Variants in GRAMD1B observed in about 807,000 individuals in gnomAD.
The protein encoded by GRAMD1B is protein Aster-B.
GRAMD1B carries 37 observed loss-of-function variants against 99.7 expected under a neutral mutation model. That is an observed-to-expected ratio of 0.37 (90% CI 0.29 to 0.49). GRAMD1B has a LOEUF of 0.49. Ranked by LOEUF, GRAMD1B falls within the 20% of genes least tolerant of loss-of-function variation. GRAMD1B has a pLI of 0.98. For missense variants in GRAMD1B, 888 were observed against 1,009.2 expected (o/e 0.88, Z 1.63); for synonymous variants, 427 against 387.6 (o/e 1.10, Z -1.19).
Position 123,577,519 on chromosome 11 carries a change from A to C in GRAMD1B, c.605A>C (p.Gln202Pro). The change falls in exon 3 of 20, where the codon CAG becomes CCG. Residue 202 changes from glutamine (Q) to proline (P), a missense_variant. This residue lies in a region of GRAMD1B where 233 missense variants were observed against 154.6 expected (regional missense o/e 1.51). Coordinates refer to ENST00000635736, the MANE Select transcript of GRAMD1B (RefSeq NM_001387025.1). ...SSDKSPSTPE[Q>P]GVQRSCSSQS... ...GACAAGTCCCCGTCCACACCGGAGC[A>C]GGGCGTGCAGCGCAGCTGCTCCTCC... 5.6e-6 allele frequency: 9 copies of C among 1,600,644 alleles called. No homozygotes were observed. Among genetic ancestry groups the C allele is most frequent in the Non-Finnish European group, 7.7e-6 (9 of 1,173,938 alleles).
chr11:123,564,154 C>T (rs1947102603), intron 2 of GRAMD1B, among the ~76,000 whole-genome samples: 1 of 152,288 alleles, frequency 6.6e-6, no homozygotes, highest in Non-Finnish European at 1.5e-5. Context: ...TCTTGAGGAA[C>T]ATTGACCTGA....
chr11:123,612,988 T>C (rs539241190), intron 15 of GRAMD1B, 124 bp downstream of exon 15: 2 of 641,436 alleles, frequency 3.1e-6, no homozygotes, highest in African/African-American at 3.7e-5. Flanking sequence ...AGTAGTTTCA[T>C]GAGGTACCCA....
intron 1 of GRAMD1B, among the ~76,000 whole-genome samples, chr11:123,423,804 C>A (rs1948547075): frequency 6.6e-6 from 1 of 152,296 alleles, no homozygotes; most frequent in East Asian, 1.9e-4. Flanking sequence ...TGAACTTGGG[C>A]AAGTCACCTT....
At chr11:123,446,326 C>T (rs1002954195) in intron 1 of GRAMD1B, among the ~76,000 whole-genome samples, 7 of 152,068 alleles carry the variant, frequency 4.6e-5, no homozygotes, top group East Asian at 1.9e-4. Flanking sequence ...CCACCACGCC[C>T]GGCTAATATT....
At chr11:123,413,512 A>AT (rs61376053) in intron 1 of GRAMD1B, among the ~76,000 whole-genome samples, 58,750 of 149,508 alleles carry the variant, frequency 0.39, 13,070 homozygotes, top group African/African-American at 0.63. Flanking sequence ...ATTTGCCCAT[A>AT]TTTTTTTTTT....
chr11:123,613,876 CA>C (rs1176196586), intron 16 of GRAMD1B, among the ~76,000 whole-genome samples: 5 of 152,202 alleles, frequency 3.3e-5, no homozygotes, highest in African/African-American at 1.2e-4. Flanking sequence ...CTCTAATTAA[CA>C]AAAGCTGCCT....
chr11:123,476,114 T>A (rs1408854260), intron 1 of GRAMD1B, among the ~76,000 whole-genome samples: 5 of 152,018 alleles, frequency 3.3e-5, no homozygotes, highest in Admixed American at 2.6e-4. Flanking sequence ...ACTTCTTTTT[T>A]TTTTTTTTGA....
intron 7 of GRAMD1B, among the ~76,000 whole-genome samples, chr11:123,600,089 G>A (rs565309019): frequency 6.2e-4 from 95 of 152,302 alleles, no homozygotes; most frequent in African/African-American, 2.1e-3. Flanking sequence ...GAAATAGGTC[G>A]GCAGATTAGT....
rs1395511803 is a variant in GRAMD1B, at chr11:123,415,100, T to C, written c.-176+56301T>C. Among the ~76,000 whole-genome samples, 721 of 127,458 alleles carry C rather than the reference T, an allele frequency of 5.7e-3. 11 individuals are homozygous for C. The highest frequency in any genetic ancestry group is 0.021 in the African/African-American group (690 of 33,490). The allele number at this position is 127,458 out of a possible 152,430, so 83.6% of individuals were successfully genotyped here. On this transcript the variant is annotated intron_variant, in intron 1 of 20. Coordinates refer to the GRAMD1B transcript ENST00000638157. ...TTTTTCTTTTCTTTTTCTTTCTTTTTTTTTTTTTTTTTTTTTTTTTTGAGA... is the reference window on the plus strand; with the variant it reads ...TTTTTCTTTTCTTTTTCTTTCTTTTCTTTTTTTTTTTTTTTTTTTTTGAGA...
In GRAMD1B at chr11:123,623,067, C is replaced by G. The variant is rs1955305989; in HGVS notation, c.*472C>G. 6.6e-6 allele frequency: 1 copy of G among 152,202 alleles called. No homozygotes were observed. Among genetic ancestry groups the G allele is most frequent in the Non-Finnish European group, 1.5e-5 (1 of 68,086 alleles). The allele number at this position is 152,202 out of a possible 1,614,324, so 9.4% of individuals were successfully genotyped here. On this transcript the variant is annotated 3_prime_UTR_variant, in exon 20 of 20. Coordinates refer to ENST00000635736, the MANE Select transcript of GRAMD1B (RefSeq NM_001387025.1). Reference sequence around the variant, plus strand: ...TCTTTTCTTCCCTACCCCAGGCTTCCCCAGGCATTCTCTTGGGAACACAGA... The same window carrying G: ...TCTTTTCTTCCCTACCCCAGGCTTCGCCAGGCATTCTCTTGGGAACACAGA...
intron 12 of GRAMD1B, 131 bp from the exon 13 acceptor site, chr11:123,609,664 C>G: frequency 1.6e-6 from 1 of 608,408 alleles, no homozygotes; most frequent in South Asian, 2.1e-5. Flanking sequence ...GGCCCTCGGG[C>G]TCCCATTGGC....
chr11:123,368,988 A>G (rs966218548), intron 1 of GRAMD1B, among the ~76,000 whole-genome samples: 1 of 152,058 alleles, frequency 6.6e-6, no homozygotes, highest in African/African-American at 2.4e-5. Flanking sequence ...AAGAAAAAAA[A>G]TGAGTTTTCA....
At chr11:123,380,168 C>A (rs548810734) in intron 1 of GRAMD1B, among the ~76,000 whole-genome samples, 1 of 152,132 alleles carries the variant, frequency 6.6e-6, no homozygotes, top group Admixed American at 6.5e-5. Flanking sequence ...AAACACGAAA[C>A]CTTCTAATTT....
chr11:123,592,582 G>A (rs1347099509), intron 4 of GRAMD1B, among the ~76,000 whole-genome samples: 1 of 152,170 alleles, frequency 6.6e-6, no homozygotes, highest in Non-Finnish European at 1.5e-5. Context: ...TCAAGCTGGG[G>A]TTTTCAGTGT....
At chr11:123,378,600 T>C (rs1332049977) in intron 1 of GRAMD1B, among the ~76,000 whole-genome samples, 1 of 152,158 alleles carries the variant, frequency 6.6e-6, no homozygotes, top group African/African-American at 2.4e-5. Flanking sequence ...ATTGAGTGCC[T>C]CCCCAAGGAT....
Position 123,614,802 on chromosome 11 carries a change from G to C in GRAMD1B, c.2285G>C (p.Ser762Thr). The C allele has an allele frequency of 6.2e-7, 1 of 1,611,726 alleles. No homozygotes were observed. The highest frequency in any genetic ancestry group is 8.5e-7 in the Non-Finnish European group (1 of 1,177,974). ...EDTPNGFHLQSVSKLLLVISC... is the reference protein window; with the variant it reads ...EDTPNGFHLQTVSKLLLVISC... The stretch of plus-strand genomic sequence containing the variant: ...ACCCCCAACGGTTTCCACCTGCAGA[G>C]CGTGTCCAAGCTGCTGCTGGTTATC... Residue 762 changes from serine to threonine, a missense_variant, in exon 17 of 20, where the codon AGC becomes ACC. Ser to Thr is a moderately conservative substitution (Grantham distance 58). Coordinates refer to ENST00000635736, the MANE Select transcript of GRAMD1B (RefSeq NM_001387025.1).
At chr11:123,475,664 T>G (rs1365619860) in intron 1 of GRAMD1B, among the ~76,000 whole-genome samples, 1 of 152,194 alleles carries the variant, frequency 6.6e-6, no homozygotes, top group East Asian at 1.9e-4. Flanking sequence ...AATCCTAGTT[T>G]AGAGTTTCTT....
chr11:123,462,891 T>TAAATA (rs1950497568), intron 1 of GRAMD1B, among the ~76,000 whole-genome samples: 9 of 111,422 alleles, frequency 8.1e-5, no homozygotes, highest in Non-Finnish European at 1.2e-4. Flanking sequence ...AAAAATAAAT[T>TAAATA]AAAAAAAAAA....
chr11:123,385,441 A>G (rs891928281), intron 1 of GRAMD1B, among the ~76,000 whole-genome samples: 22 of 152,170 alleles, frequency 1.4e-4, no homozygotes, highest in African/African-American at 4.8e-4. Flanking sequence ...ATTCTTTAAC[A>G]TCGTTTCCAG....
Sources: allele counts gnomAD v4.1 joint callset (sites outside exome capture counted in the v4.1 genomes callset), GRCh38; gene constraint gnomAD v4.1.1; regional missense constraint gnomAD v4.1.1; transcripts MANE v1.5; gene names NCBI Gene and HGNC (gene_info 2026-07-23, HGNC 2026-07-21).